Variants in ACOXL observed in about 807,000 individuals in gnomAD.
The protein encoded by ACOXL is acyl-coenzyme A oxidase-like protein.
ACOXL carries 70 observed loss-of-function variants against 71.9 expected under a neutral mutation model. The observed-to-expected ratio is 0.97, with a 90% CI of 0.80 to 1.19. The LOEUF (loss-of-function observed/expected upper bound fraction) is 1.19. Among genes scored for constraint, ACOXL ranks in the 50% most tolerant of loss-of-function variants. ACOXL has a pLI of 0.00. For missense variants in ACOXL, 703 were observed against 736.3 expected (o/e 0.95, Z 0.52); for synonymous variants, 253 against 281.6 (o/e 0.90, Z 1.02).
chr2:111,054,451 G>C (rs1383053629), intron 16 of ACOXL, among the ~76,000 whole-genome samples: 1 of 152,176 alleles, frequency 6.6e-6, no homozygotes, highest in Non-Finnish European at 1.5e-5. Flanking sequence ...GGCCCATCAG[G>C]GTCGGTGGGT....
chr2:110,971,224 A>G lies in ACOXL; in HGVS notation c.1060-15884A>G, dbSNP rs76017193. Among the ~76,000 whole-genome samples the G allele has an allele frequency of 2.3e-3, 352 of 152,378 alleles. 6 individuals are homozygous for G. Among genetic ancestry groups the G allele is most frequent in the African/African-American group, 8.1e-3 (338 of 41,602 alleles). ...CAAATAAGCACATGAAAATAGGTAC[A>G]TCATTGTAGCCATTATGGAAATGCA... is the stretch of plus-strand genomic sequence containing the variant. On this transcript the variant is annotated intron_variant, in intron 12 of 17. Transcript: ENST00000439055.
chr2:110,805,622 C>T (rs1258706862), intron 9 of ACOXL, among the ~76,000 whole-genome samples: 3 of 152,164 alleles, frequency 2.0e-5, no homozygotes, highest in South Asian at 2.1e-4. Flanking sequence ...TGCTGCTAAT[C>T]GTGGGGGTGG....
chr2:110,983,291 G>A (rs1456696030), intron 12 of ACOXL, among the ~76,000 whole-genome samples: 1 of 152,204 alleles, frequency 6.6e-6, no homozygotes, highest in African/African-American at 2.4e-5. Context: ...CTTGAAAAGT[G>A]ATTTGACCTT....
chr2:111,062,146 TATTA>T (rs2066848368), intron 16 of ACOXL, among the ~76,000 whole-genome samples: 1 of 151,828 alleles, frequency 6.6e-6, no homozygotes, highest in Admixed American at 6.6e-5. Flanking sequence ...ATCATGCAAA[TATTA>T]ATTAAAAGAT....
chr2:110,967,796 C>A, intron 12 of ACOXL: 5 of 741,076 alleles, frequency 6.7e-6, no homozygotes, highest in Non-Finnish European at 1.2e-5. Context: ...GCCTGCAGGT[C>A]TCTGTTGAGC....
At chr2:110,749,792 G>A (rs1326454236) in intron 1 of ACOXL, among the ~76,000 whole-genome samples, 2 of 152,194 alleles carry the variant, frequency 1.3e-5, no homozygotes, top group Non-Finnish European at 2.9e-5. Context: ...TTTCCCACTG[G>A]TGGTCGATTT....
chr2:110,994,110 G>A (rs1451263650), intron 13 of ACOXL, among the ~76,000 whole-genome samples: 2 of 152,150 alleles, frequency 1.3e-5, no homozygotes, highest in African/African-American at 4.8e-5. Context: ...CACAATCTCA[G>A]GTGGACAAAC....
intron 2 of ACOXL, among the ~76,000 whole-genome samples, chr2:110,779,328 A>T (rs143504302): frequency 5.3e-4 from 81 of 152,266 alleles, no homozygotes; most frequent in Non-Finnish European, 9.8e-4. Flanking sequence ...GACATGGAGG[A>T]TGTGGTCAGA....
intron 16 of ACOXL, among the ~76,000 whole-genome samples, chr2:111,063,460 G>T (rs1035272393): frequency 4.6e-5 from 7 of 152,028 alleles, no homozygotes; most frequent in Non-Finnish European, 8.8e-5. Context: ...ACGCAAGGCT[G>T]GTTCAATTTT....
At chr2:110,923,506 G>C (rs1558735837) in intron 11 of ACOXL, among the ~76,000 whole-genome samples, 1 of 152,104 alleles carries the variant, frequency 6.6e-6, no homozygotes, top group South Asian at 2.1e-4. Context: ...ACATCTTTAG[G>C]TGTACAGGTC....
At chr2:110,767,767 A>G (rs1484979503) in intron 1 of ACOXL, among the ~76,000 whole-genome samples, 1 of 152,196 alleles carries the variant, frequency 6.6e-6, no homozygotes, top group African/African-American at 2.4e-5. Context: ...AGGACTGCAG[A>G]GCAGGAGGTG....
intron 1 of ACOXL, among the ~76,000 whole-genome samples, chr2:110,747,452 T>C (rs1678368166): frequency 6.6e-6 from 1 of 152,206 alleles, no homozygotes; most frequent in African/African-American, 2.4e-5. Context: ...CTGGTGTGTT[T>C]AACAGCTGGG....
chr2:110,974,585 G>T (rs2149498453), intron 12 of ACOXL, among the ~76,000 whole-genome samples: 1 of 152,334 alleles, frequency 6.6e-6, no homozygotes, highest in South Asian at 2.1e-4. Flanking sequence ...CCTAAAGAAT[G>T]TTAGTTAGAG....
chr2:110,788,601 T>C (rs1449219793), intron 3 of ACOXL, among the ~76,000 whole-genome samples: 2 of 152,206 alleles, frequency 1.3e-5, no homozygotes, highest in African/African-American at 2.4e-5. Context: ...TGCCACTGAA[T>C]TGTATGCTTA....
At chr2:110,967,078 A>G (rs2061965831) in intron 12 of ACOXL, among the ~76,000 whole-genome samples, 1 of 152,248 alleles carries the variant, frequency 6.6e-6, no homozygotes, top group Non-Finnish European at 1.5e-5. Context: ...GAAGAATCCA[A>G]TGTTGGAATT....
intron 10 of ACOXL, among the ~76,000 whole-genome samples, chr2:110,850,227 G>T (rs867194364): frequency 6.6e-6 from 1 of 152,172 alleles, no homozygotes; most frequent in Non-Finnish European, 1.5e-5. Context: ...GACACAGAAA[G>T]TATGAACTGT....
chr2:110,874,723 A>C (rs1695687100), intron 10 of ACOXL, among the ~76,000 whole-genome samples: 1 of 152,202 alleles, frequency 6.6e-6, no homozygotes, highest in Admixed American at 6.5e-5. Flanking sequence ...AGCAGAGCTC[A>C]CGGTGGAGGC....
rs561019574 is a variant in ACOXL, at chr2:110,741,784, A to G, written c.-23+9010A>G. Reference sequence around the variant, plus strand: ...GATCCTAAGGAATTTGGTTTAACCAATCTCTTATCTGTGGTTTCCTACCAT... The same window carrying G: ...GATCCTAAGGAATTTGGTTTAACCAGTCTCTTATCTGTGGTTTCCTACCAT... On this transcript the variant is annotated intron_variant, in intron 1 of 17. Coordinates refer to ENST00000439055, the MANE Select transcript of ACOXL (RefSeq NM_001142807.4). Among the ~76,000 whole-genome samples the G allele has an allele frequency of 2.0e-5, 3 of 152,142 alleles. No homozygotes were observed. In the South Asian group the frequency reaches 6.2e-4, roughly 32 times the overall value.
chr2:110,963,712 A>G, intron 12 of ACOXL: 1 of 1,613,876 alleles, frequency 6.2e-7, no homozygotes, highest in Non-Finnish European at 8.5e-7. Context: ...GTTATGCTTC[A>G]GGTAAGATTC....
Sources: allele counts gnomAD v4.1 joint callset (sites outside exome capture counted in the v4.1 genomes callset), GRCh38; gene constraint gnomAD v4.1.1; transcripts MANE v1.5; gene names NCBI Gene and HGNC (gene_info 2026-07-23, HGNC 2026-07-21).